ZBTB46: variants seen among roughly 807,000 people sequenced by gnomAD.
ZBTB46 encodes the protein zinc finger and BTB domain containing 46.
ZBTB46 carries 8 observed loss-of-function variants against 44.1 expected under a neutral mutation model. That is an observed-to-expected ratio of 0.18 (90% CI 0.11 to 0.33). ZBTB46 has a LOEUF of 0.33. Among genes scored for constraint, ZBTB46 ranks in the 10% least tolerant of loss-of-function variants. The probability of loss-of-function intolerance (pLI) is 1.00; values close to 1 mark genes in which losing one functional copy is unlikely to be tolerated. For synonymous variants in ZBTB46, 409 were observed against 382.3 expected (o/e 1.07, Z -0.81); for missense variants, 651 against 847.7 (o/e 0.77, Z 2.88).
chr20:63,784,793 T>C lies in ZBTB46; in HGVS notation c.937+5028A>G, dbSNP rs147149488. ...ATACTGTTTCTTGGAAGCTGCTCAG[T>C]TAGAATGAATTTGGCCTCCCTGCCT... On this transcript the variant is annotated intron_variant, in intron 2 of 4. Transcript: ENST00000245663. Among the ~76,000 whole-genome samples the C allele has an allele frequency of 7.5e-3, 1,137 of 152,314 alleles. 15 individuals carry two copies. The highest frequency in any genetic ancestry group is 0.026 in the African/African-American group (1,063 of 41,564).
At chr20:63,806,735 T>C (rs2092683887) in intron 1 of ZBTB46, among the ~76,000 whole-genome samples, 1 of 150,734 alleles carries the variant, frequency 6.6e-6, no homozygotes, top group African/African-American at 2.4e-5. Flanking sequence ...CAGCCTCCCA[T>C]GTAGCTGGGA....
At chr20:63,747,384 G>GAAGA (rs1176298970) in intron 4 of ZBTB46, 83 bp from the exon 5 acceptor site, 43 of 828,616 alleles carry the variant, frequency 5.2e-5, no homozygotes, top group Non-Finnish European at 5.2e-5. Flanking sequence ...GTGGAGGTGG[G>GAAGA]GGGGGCAGGT....
intron 1 of ZBTB46, among the ~76,000 whole-genome samples, chr20:63,811,744 A>ATGAGGAC (rs2092718849): frequency 6.6e-6 from 1 of 152,284 alleles, no homozygotes; most frequent in Admixed American, 6.5e-5. Flanking sequence ...TCCCTGCCAC[A>ATGAGGAC]TGAGGACTCA....
At chr20:63,807,388 A>G (rs2092688377) in intron 1 of ZBTB46, among the ~76,000 whole-genome samples, 1 of 152,200 alleles carries the variant, frequency 6.6e-6, no homozygotes, top group Admixed American at 6.5e-5. Context: ...TCTGTCACCC[A>G]GGCTGGAGTG....
chr20:63,831,163 GC>G lies in ZBTB46; in HGVS notation c.-101del, dbSNP rs2092849233. 1 of 141,864 alleles carries G rather than the reference GC, an allele frequency of 7.0e-6. No individual in the cohort carries two copies. The highest frequency in any genetic ancestry group is 1.6e-5 in the Non-Finnish European group (1 of 64,264). The allele number at this position is 141,864 out of a possible 1,614,324, so 8.8% of individuals were successfully genotyped here. On this transcript the variant is annotated 5_prime_UTR_variant, in exon 1 of 5. Coordinates refer to ENST00000245663, the MANE Select transcript of ZBTB46 (RefSeq NM_001369741.1). ...CGCCGGGCCGGCGCCGGTGATCGCC[GC>G]CGCCGCCGGGAGGGCGCTGCGTCCG... is the stretch of plus-strand genomic sequence containing the variant.
intron 2 of ZBTB46, 25 bp downstream of exon 2, chr20:63,789,796 C>G: frequency 6.3e-7 from 1 of 1,583,272 alleles, no homozygotes; most frequent in East Asian, 2.2e-5. Flanking sequence ...GGCAGCTGAG[C>G]CCCCGTAACG....
intron 2 of ZBTB46, among the ~76,000 whole-genome samples, chr20:63,776,384 A>G (rs534055925): frequency 2.1e-4 from 32 of 152,360 alleles, no homozygotes; most frequent in Non-Finnish European, 4.4e-4. Flanking sequence ...TAAATCTATA[A>G]AATTCTTAGA....
intron 1 of ZBTB46, among the ~76,000 whole-genome samples, chr20:63,801,350 A>G (rs778422491): frequency 6.6e-6 from 1 of 152,174 alleles, no homozygotes; most frequent in Non-Finnish European, 1.5e-5. Flanking sequence ...TTTTGTGTCT[A>G]GCTCAAGGAT....
At chr20:63,805,206 A>T (rs968022181) in intron 1 of ZBTB46, among the ~76,000 whole-genome samples, 5 of 152,150 alleles carry the variant, frequency 3.3e-5, no homozygotes, top group African/African-American at 1.2e-4. Context: ...GGCATGAGCC[A>T]CCACGCCCGA....
rs753798772 is a variant in ZBTB46, at chr20:63,775,826, G to A, written c.1074C>T (p.Asp358=). The A allele has an allele frequency of 5.1e-5, 83 of 1,613,298 alleles. No homozygotes were observed. The highest frequency in any genetic ancestry group is 1.2e-4 in the African/African-American group (9 of 74,926). Residue 358 remains aspartate, a synonymous_variant, in exon 3 of 5, where the codon GAC becomes GAT. Coordinates refer to ENST00000245663, the MANE Select transcript of ZBTB46 (RefSeq NM_001369741.1). The part of the protein sequence containing the change: ...YLGPPLTPEK[D]DALHQATAVA... ...CCGCGGTGGCCTGATGCAGGGCGTC[G>A]TCCTTCTCTGGGGTGAGGGGAGGGC... is the stretch of plus-strand genomic sequence containing the variant.
At chr20:63,754,280 C>T (rs1022035535) in intron 3 of ZBTB46, among the ~76,000 whole-genome samples, 12 of 152,176 alleles carry the variant, frequency 7.9e-5, no homozygotes, top group South Asian at 2.1e-4. Context: ...GGCTCTCCTC[C>T]GTGAGTCAGT....
intron 3 of ZBTB46, among the ~76,000 whole-genome samples, chr20:63,760,190 C>T (rs978834708): frequency 2.0e-5 from 3 of 152,122 alleles, no homozygotes; most frequent in Admixed American, 6.6e-5. Context: ...CTAACGTTGG[C>T]GTCATTTTCT....
At chr20:63,782,096 A>AAAAAAAAAAAAAAAAAAAAAAAG (rs1386082316) in intron 2 of ZBTB46, among the ~76,000 whole-genome samples, 1 of 124,920 alleles carries the variant, frequency 8.0e-6, no homozygotes, top group African/African-American at 2.9e-5. Flanking sequence ...CAAAAAAAAA[A>AAAAAAAAAAAAAAAAAAAAAAAG]AAAAGAAAAG....
chr20:63,771,438 G>A (rs1391174087), intron 3 of ZBTB46, among the ~76,000 whole-genome samples: 2 of 152,192 alleles, frequency 1.3e-5, no homozygotes, highest in South Asian at 2.1e-4. Context: ...TGGCGCTCCC[G>A]CACGGTGTTG....
intron 2 of ZBTB46, 145 bp downstream of exon 2, chr20:63,789,676 T>C (rs1601473333): frequency 7.2e-7 from 1 of 1,387,320 alleles, no homozygotes; most frequent in African/African-American, 1.4e-5. Flanking sequence ...TTCCCAGCGG[T>C]CACGACAACC....
At chr20:63,811,407 C>T (rs1568897533) in intron 1 of ZBTB46, among the ~76,000 whole-genome samples, 1 of 152,236 alleles carries the variant, frequency 6.6e-6, no homozygotes, top group Non-Finnish European at 1.5e-5. Flanking sequence ...CAGCCCCAGG[C>T]CTCCCAGCTT....
intron 1 of ZBTB46, among the ~76,000 whole-genome samples, chr20:63,819,783 A>G (rs879636602): frequency 1.3e-5 from 2 of 152,214 alleles, no homozygotes; most frequent in African/African-American, 2.4e-5. Context: ...CCAACAAGTA[A>G]GAAAAGCAAC....
chr20:63,795,292 C>T (rs1465959653), intron 1 of ZBTB46, among the ~76,000 whole-genome samples: 1 of 152,254 alleles, frequency 6.6e-6, no homozygotes, highest in Non-Finnish European at 1.5e-5. Context: ...TCACAAGCCG[C>T]GTCACCGTGC....
chr20:63,768,149 TAA>T, intron 3 of ZBTB46: 1 of 985,032 alleles, frequency 1.0e-6, no homozygotes, highest in Non-Finnish European at 1.2e-6. Context: ...TAATTCTCAA[TAA>T]AGAGACACTC....
Sources: gnomAD v4.1 joint callset for allele counts (sites outside exome capture counted in the v4.1 genomes callset) on GRCh38, gnomAD v4.1.1 for gene constraint, MANE v1.5 for transcripts, NCBI Gene and HGNC (gene_info 2026-07-23, HGNC 2026-07-21) for gene names.